Variants in EPHA5 observed in about 807,000 individuals in gnomAD.
EPHA5 encodes the protein EPH receptor A5.
EPHA5 carries 60 observed loss-of-function variants against 105.0 expected under a neutral mutation model. That is an observed-to-expected ratio of 0.57 (90% CI 0.46 to 0.71). The LOEUF (loss-of-function observed/expected upper bound fraction) is 0.71, where lower values mean the gene tolerates loss of function less well. Among genes scored for constraint, EPHA5 ranks in the 30% least tolerant of loss-of-function variants. The pLI, the probability that EPHA5 is intolerant of heterozygous loss-of-function variation, is 0.00. For missense variants in EPHA5, 1,218 were observed against 1,274.7 expected (o/e 0.96, Z 0.68); for synonymous variants, 513 against 449.1 (o/e 1.14, Z -1.80).
chr4:65,516,354 T>A (rs1734102432), intron 3 of EPHA5, among the ~76,000 whole-genome samples: 2 of 152,290 alleles, frequency 1.3e-5, no homozygotes, highest in South Asian at 4.1e-4. Flanking sequence ...GTTCATTAAA[T>A]GGAAGTGGAT....
Position 65,414,818 on chromosome 4 carries a change from T to C in EPHA5, c.1528-375A>G, listed in dbSNP as rs527275175. ...ATAGTTAATCGGAGCATGTCTAACATACTGCCTATTCATACAGAAAGTTAA... is the reference window on the plus strand; with the variant it reads ...ATAGTTAATCGGAGCATGTCTAACACACTGCCTATTCATACAGAAAGTTAA... On this transcript the variant is annotated intron_variant, in intron 6 of 16. Transcript: ENST00000613740. Among the ~76,000 whole-genome samples, 6 of 152,322 alleles carry C rather than the reference T, an allele frequency of 3.9e-5. No homozygotes were observed. In the East Asian group the frequency reaches 9.6e-4, roughly 24 times the overall value.
rs1577929199 is a variant in EPHA5 at position 65,366,126 on chromosome 4, A to G, written c.1862-69T>C. The G allele has an allele frequency of 3.5e-6, 5 of 1,421,252 alleles. No homozygotes were observed. The Admixed American group carries it at 5.2e-5, about 15-fold the overall frequency. The allele number at this position is 1,421,252 out of a possible 1,614,324, so 88.0% of individuals were successfully genotyped here. A position where few individuals can be genotyped will look rare whatever the true frequency, so the allele number is the denominator to read the frequency against. The stretch of plus-strand genomic sequence containing the variant: ...ATGAGCAAAATTATGAACTTTATTA[A>G]CATGCAAGTATGGCTTAAATCTCTA... On this transcript the variant is annotated intron_variant, in intron 9 of 16. Transcript: ENST00000613740.
In EPHA5 at chr4:65,320,824, C is replaced by A. The variant is rs1400970088; in HGVS notation, c.*3290G>T. On this transcript the variant is annotated 3_prime_UTR_variant, in exon 17 of 17. Transcript: ENST00000613740. ...GATATTCTGTGTTGTTTAGGCAACT[C>A]TGAAACCAATAATGCTGGCCACACT... 2 of 229,970 alleles carry A rather than the reference C, an allele frequency of 8.7e-6. No homozygotes were observed. The highest frequency in any genetic ancestry group is 4.4e-5 in the African/African-American group (2 of 45,088). 14.2% of individuals were successfully genotyped at this position (229,970 alleles called of 1,614,324 possible). A position where few individuals can be genotyped will look rare whatever the true frequency, so the allele number is the denominator to read the frequency against.
chr4:65,576,045 AGAAAGAAAGAAAGAAAAGAAAAG>A (rs1740918279), intron 3 of EPHA5, among the ~76,000 whole-genome samples: 1 of 116,674 alleles, frequency 8.6e-6, no homozygotes, highest in African/African-American at 3.4e-5. Context: ...AAAGAAAGAA[AGAAAGAAAGAAAGAAAAGAAAAG>A]AAAAGAAAAG....
intron 7 of EPHA5, among the ~76,000 whole-genome samples, chr4:65,409,403 A>G (rs950005830): frequency 6.6e-6 from 1 of 151,132 alleles, no homozygotes; most frequent in East Asian, 1.9e-4. Flanking sequence ...AAAAGGTAAT[A>G]TTCTTTAGTA....
intron 3 of EPHA5, among the ~76,000 whole-genome samples, chr4:65,532,094 T>C (rs1279425161): frequency 1.3e-5 from 2 of 152,178 alleles, no homozygotes; most frequent in Non-Finnish European, 2.9e-5. Context: ...AATGTGATTA[T>C]CCTTATCTTA....
At position 65,365,826 on chromosome 4, in the gene EPHA5, C is replaced by T. The variant is rs112540943; in HGVS notation, c.1987+106G>A. Reference sequence around the variant, plus strand: ...GTTACATATCACTTTGAATGCAAGCCAATTAGAAAAGATTAAAAACATTCT... The same window carrying T: ...GTTACATATCACTTTGAATGCAAGCTAATTAGAAAAGATTAAAAACATTCT... On this transcript the variant is annotated intron_variant, in intron 10 of 16. Transcript: ENST00000613740. 363 of 1,182,550 alleles carry T rather than the reference C, an allele frequency of 3.1e-4. 2 individuals carry two copies. The African/African-American group carries it at 4.9e-3, about 16-fold the overall frequency. 73.3% of individuals were successfully genotyped at this position (1,182,550 alleles called of 1,614,324 possible). A position where few individuals can be genotyped will look rare whatever the true frequency, so the allele number is the denominator to read the frequency against.
intron 5 of EPHA5, among the ~76,000 whole-genome samples, chr4:65,438,697 A>G (rs1252360268): frequency 6.6e-6 from 1 of 152,038 alleles, no homozygotes; most frequent in African/African-American, 2.4e-5. Context: ...TACCATAGGG[A>G]CTTCAAGCAG....
intron 3 of EPHA5, among the ~76,000 whole-genome samples, chr4:65,545,084 T>C (rs1316500502): frequency 6.6e-6 from 1 of 151,906 alleles, no homozygotes; most frequent in Non-Finnish European, 1.5e-5. Flanking sequence ...CCATGGGGGC[T>C]ATTGTTCTTG....
At chr4:65,453,174 A>T (rs1211179093) in intron 5 of EPHA5, among the ~76,000 whole-genome samples, 1 of 152,198 alleles carries the variant, frequency 6.6e-6, no homozygotes, top group Non-Finnish European at 1.5e-5. Context: ...CTACTTAAAA[A>T]TCCTAATTAA....
At chr4:65,389,946 T>A (rs1046453860) in intron 8 of EPHA5, among the ~76,000 whole-genome samples, 16 of 151,980 alleles carry the variant, frequency 1.1e-4, no homozygotes, top group Non-Finnish European at 2.1e-4. Context: ...GCCTTCTGCA[T>A]GGAAGTAGGG....
intron 5 of EPHA5, among the ~76,000 whole-genome samples, chr4:65,436,843 G>A (rs1297606836): frequency 2.0e-5 from 3 of 151,884 alleles, no homozygotes; most frequent in Non-Finnish European, 4.4e-5. Flanking sequence ...AATGCCAAAA[G>A]TCTTTTTCCC....
At chr4:65,392,986 T>G (rs1294734349) in intron 8 of EPHA5, among the ~76,000 whole-genome samples, 1 of 152,206 alleles carries the variant, frequency 6.6e-6, no homozygotes, top group African/African-American at 2.4e-5. Flanking sequence ...TGTTAAATTC[T>G]ATGAGAATAC....
chr4:65,622,617 G>A (rs1456188595), intron 2 of EPHA5, among the ~76,000 whole-genome samples: 1 of 151,996 alleles, frequency 6.6e-6, no homozygotes, highest in Non-Finnish European at 1.5e-5. Flanking sequence ...GGGAATATAT[G>A]CCAATTTTTG....
intron 7 of EPHA5, among the ~76,000 whole-genome samples, chr4:65,409,649 G>A (rs1428265198): frequency 6.6e-6 from 1 of 152,198 alleles, no homozygotes; most frequent in African/African-American, 2.4e-5. Flanking sequence ...ACAGGTCAGA[G>A]TAAGAATTTG....
At chr4:65,664,530 G>A (rs756221651) in intron 1 of EPHA5, among the ~76,000 whole-genome samples, 4 of 151,802 alleles carry the variant, frequency 2.6e-5, no homozygotes, top group Non-Finnish European at 5.9e-5. Flanking sequence ...ATTACACAAG[G>A]ATAGAACATA....
chr4:65,351,303 A>T, intron 13 of EPHA5, 86 bp downstream of exon 13: 1 of 1,205,022 alleles, frequency 8.3e-7, no homozygotes. Flanking sequence ...TTGTTGCAGG[A>T]ATGCTCTTTT....
intron 11 of EPHA5, among the ~76,000 whole-genome samples, chr4:65,360,281 T>C (rs1484012566): frequency 1.3e-5 from 2 of 151,716 alleles, no homozygotes; most frequent in Non-Finnish European, 3.0e-5. Context: ...ACTCAGTCGG[T>C]TTAATCTCTG....
At chr4:65,614,952 C>G (rs905304603) in intron 2 of EPHA5, among the ~76,000 whole-genome samples, 1 of 151,704 alleles carries the variant, frequency 6.6e-6, no homozygotes, top group Non-Finnish European at 1.5e-5. Context: ...TATAAATCAT[C>G]ATACAAGAGT....
Sources: allele counts gnomAD v4.1 joint callset (sites outside exome capture counted in the v4.1 genomes callset), GRCh38; gene constraint gnomAD v4.1.1; transcripts MANE v1.5; gene names NCBI Gene and HGNC (gene_info 2026-07-23, HGNC 2026-07-21).